The following MIOX variants were observed in gnomAD, a reference collection of about 807,000 sequenced individuals.
MIOX encodes myo-inositol oxygenase.
A neutral mutation model predicts 42.7 loss-of-function variants in MIOX; 51 were observed. That is an observed-to-expected ratio of 1.19 (90% confidence interval 0.95 to 1.51). MIOX has a LOEUF of 1.51. Ranked by LOEUF, MIOX falls within the 40% of genes most tolerant of loss-of-function variation. The pLI, the probability that MIOX is intolerant of heterozygous loss-of-function variation, is 0.00. For synonymous variants in MIOX, 168 were observed against 154.4 expected (o/e 1.09, Z -0.65); for missense variants, 395 against 381.3 (o/e 1.04, Z -0.30).
rs375850105 is a variant in MIOX, at chr22:50,487,759, G to A, written c.177+17G>A. On this transcript the variant is annotated intron_variant, in intron 3 of 9. Transcript: ENST00000216075. ...AGGAGCAAGGTAGGCGTTTCCTGCCGCCCCGTGCAAACGCGGAGGGACCCT... is the reference window on the plus strand; with the variant it reads ...AGGAGCAAGGTAGGCGTTTCCTGCCACCCCGTGCAAACGCGGAGGGACCCT... 5.8e-5 allele frequency: 94 copies of A among 1,613,190 alleles called. No individual in the cohort carries two copies. The highest frequency in any genetic ancestry group is 4.5e-4 in the African/African-American group (34 of 74,922).
rs535195047 is a variant in MIOX at position 50,488,553 on chromosome 22, C to G, written c.408+211C>G. 6.9e-3 allele frequency among the ~76,000 whole-genome samples: 556 copies of G among 80,246 alleles called. 6 individuals are homozygous for G. The highest frequency in any genetic ancestry group is 9.8e-3 in the Non-Finnish European group (338 of 34,500). The allele number at this position is 80,246 out of a possible 152,430, so 52.6% of individuals were successfully genotyped here. On this transcript the variant is annotated intron_variant, in intron 5 of 9. Transcript: ENST00000216075. ...CCAGTGCACCCCCCACGGCCCCCCC[C>G]ACGGCTGCCTGTCCCTCTGGTGGCC...
chr22:50,489,744 G>A lies in MIOX; in HGVS notation c.750-4G>A, dbSNP rs1224468751. Reference sequence around the variant, plus strand: ...ACGGGGCTCACCGCCCCTCCCTGCTGCAGCAAGTTCGACCTCTACACCAAG... The same window carrying A: ...ACGGGGCTCACCGCCCCTCCCTGCTACAGCAAGTTCGACCTCTACACCAAG... On this transcript the variant is annotated splice_polypyrimidine_tract_variant and splice_region_variant and intron_variant, in intron 9 of 9. Transcript: ENST00000216075. The A allele has an allele frequency of 1.9e-6, 3 of 1,611,652 alleles. No homozygotes were observed. The highest frequency in any genetic ancestry group is 1.7e-6 in the Non-Finnish European group (2 of 1,179,876).
chr22:50,489,004 C>A, intron 5 of MIOX, 36 bp from the exon 6 acceptor site: 2 of 1,428,348 alleles, frequency 1.4e-6, no homozygotes, highest in East Asian at 4.8e-5. Context: ...TCCCCCACTC[C>A]CCCCATGGCC....
intron 5 of MIOX, 52 bp downstream of exon 5, chr22:50,488,394 G>A (rs777306454): frequency 1.4e-6 from 2 of 1,475,168 alleles, no homozygotes; most frequent in Non-Finnish European, 1.9e-6. Context: ...GCAAGGTGGG[G>A]GTGGAGTGGC....
At chr22:50,488,935 C>G in intron 5 of MIOX, 105 bp from the exon 6 acceptor site, 1 of 767,668 alleles carries the variant, frequency 1.3e-6, no homozygotes, top group East Asian at 2.8e-5. Flanking sequence ...TTCCCCCACT[C>G]CCCCCATGGC....
intron 5 of MIOX, among the ~76,000 whole-genome samples, chr22:50,488,670 G>A (rs1175342285): frequency 1.1e-3 from 109 of 99,432 alleles, no homozygotes; most frequent in Middle Eastern, 6.1e-3. Flanking sequence ...CCCCATGGCC[G>A]CCTGTCCCTC....
Position 50,489,150 on chromosome 22 carries a change from G to A in MIOX, c.518+1G>A. ...CTGACCTCCAGGATCCTCGATACAG[G>A]TGCTCCCTGCTGCTGAGGGCTGGGC... On this transcript the variant is annotated splice_donor_variant, in intron 6 of 9. Coordinates refer to ENST00000216075, the MANE Select transcript of MIOX (RefSeq NM_017584.6). LOFTEE classifies it high-confidence loss of function. 2.5e-6 allele frequency: 4 copies of A among 1,613,066 alleles called. No homozygotes were observed. Among genetic ancestry groups the A allele is most frequent in the Admixed American group, 1.7e-5 (1 of 59,970 alleles).
At chr22:50,487,314 C>A (rs1285563494) in intron 1 of MIOX, 71 bp from the exon 2 acceptor site, 2 of 1,341,478 alleles carry the variant, frequency 1.5e-6, no homozygotes, top group Non-Finnish European at 2.1e-6. Flanking sequence ...CTGCAGCCAC[C>A]CTGGGAATGT....
rs774196664 is a variant in MIOX, at chr22:50,489,649, G to A, written c.749+5G>A. The A allele has an allele frequency of 1.2e-4, 186 of 1,563,092 alleles. No homozygotes were observed. The highest frequency in any genetic ancestry group is 1.5e-4 in the Non-Finnish European group (177 of 1,152,086). ...GCCCTGGGTGCGGGAGTTCAAGTAC[G>A]CCCCGCTACCCGCCGAGGGGTGTTG... is the stretch of plus-strand genomic sequence containing the variant. On this transcript the variant is annotated splice_donor_5th_base_variant and intron_variant, in intron 9 of 9. Transcript: ENST00000216075.
rs538158369 is a variant in MIOX, at chr22:50,489,455, G to C, written c.636+9G>C. 1.4e-4 allele frequency: 225 copies of C among 1,608,264 alleles called. 3 individuals carry two copies. The South Asian group carries it at 2.2e-3, about 16-fold the overall frequency. Reference sequence around the variant, plus strand: ...TCTCACTGCCCCCTGAGGTAGGTGGGGGGAGGGGCAACGCAGCCCGTCCAC... The same window carrying C: ...TCTCACTGCCCCCTGAGGTAGGTGGCGGGAGGGGCAACGCAGCCCGTCCAC... On this transcript the variant is annotated intron_variant, in intron 8 of 9. Coordinates refer to ENST00000216075, the MANE Select transcript of MIOX (RefSeq NM_017584.6).
At chr22:50,488,748 G>GCCTGTCCCTCCTGTCCCT (rs1178356945) in intron 5 of MIOX, among the ~76,000 whole-genome samples, 1 of 71,824 alleles carries the variant, frequency 1.4e-5, no homozygotes, top group Non-Finnish European at 2.7e-5. Flanking sequence ...CCCCATGGCT[G>GCCTGTCCCTCCTGTCCCT]CCTGTCCCTC....
chr22:50,489,433 C>G lies in MIOX; in HGVS notation c.623C>G (p.Ser208Ter), dbSNP rs1395424564. The change falls in exon 8 of 10, where the codon TCA becomes TGA. Residue 208 changes from serine to a stop codon, truncating the protein, a stop_gained. Transcript: ENST00000216075. LOFTEE classifies it high-confidence loss of function. ...CAGGTGATGAAGTTTAACAAGTTCTCACTGCCCCCTGAGGTAGGTGGGGGG... is the reference window on the plus strand; with the variant it reads ...CAGGTGATGAAGTTTAACAAGTTCTGACTGCCCCCTGAGGTAGGTGGGGGG... ...MYQVMKFNKFSLPPEAFYMIR... is the reference protein window; with the variant it reads ...MYQVMKFNKF The G allele has an allele frequency of 6.2e-7, 1 of 1,605,184 alleles. No individual in the cohort carries two copies. Among genetic ancestry groups the G allele is most frequent in the African/African-American group, 1.3e-5 (1 of 74,784 alleles).
At chr22:50,487,569 C>T (rs2068286105) in intron 2 of MIOX, 93 bp from the exon 3 acceptor site, 12 of 1,534,938 alleles carry the variant, frequency 7.8e-6, no homozygotes, top group African/African-American at 1.4e-5. Context: ...GAACTCCCAC[C>T]CCCATCACAC....
Position 50,489,078 on chromosome 22 carries a change from TC to T in MIOX, c.449del (p.Pro150ArgfsTer52). 1 of 1,612,076 alleles carries T rather than the reference TC, an allele frequency of 6.2e-7. No homozygotes were observed. Among genetic ancestry groups the T allele is most frequent in the Non-Finnish European group, 8.5e-7 (1 of 1,179,860 alleles). On this transcript the variant is annotated frameshift_variant, in exon 6 of 10. Transcript: ENST00000216075. LOFTEE classifies it high-confidence loss of function. ...GCGACACCTTCCCCGTCGGATGCCGTCCGCAGGCCTCCGTGGTTTTCTGCGA... is the reference window on the plus strand; with the variant it reads ...GCGACACCTTCCCCGTCGGATGCCGTCGCAGGCCTCCGTGGTTTTCTGCGA... Reference protein sequence around the residue: ...VGDTFPVGCRPQASVVFCDST... With the variant: ...VGDTFPVGCRXQASVVFCDST...
chr22:50,489,236 T>G lies in MIOX; in HGVS notation c.527T>G (p.Leu176Arg), dbSNP rs2068325734. 2 of 1,607,762 alleles carry G rather than the reference T, an allele frequency of 1.2e-6. No individual in the cohort carries two copies. The highest frequency in any genetic ancestry group is 3.3e-5 in the Admixed American group (2 of 59,764). The change falls in exon 7 of 10, where the codon CTC becomes CGC. Residue 176 changes from leucine (L) to arginine (R), a missense_variant. Coordinates refer to ENST00000216075, the MANE Select transcript of MIOX (RefSeq NM_017584.6). ...CTGGTATCTCACTGCAGCACAGAGC[T>G]CGGGATGTATCAGCCCCACTGTGGG... ...DLQDPRYSTE[L>R]GMYQPHCGLD... is the part of the protein sequence containing the mutation.
Position 50,487,758 on chromosome 22 carries a change from C to A in MIOX, c.177+16C>A. ...CAGGAGCAAGGTAGGCGTTTCCTGCCGCCCCGTGCAAACGCGGAGGGACCC... is the reference window on the plus strand; with the variant it reads ...CAGGAGCAAGGTAGGCGTTTCCTGCAGCCCCGTGCAAACGCGGAGGGACCC... On this transcript the variant is annotated intron_variant, in intron 3 of 9. Transcript: ENST00000216075. 6.2e-7 allele frequency: 1 copy of A among 1,613,428 alleles called. No individual in the cohort carries two copies. Among genetic ancestry groups the A allele is most frequent in the South Asian group, 1.1e-5 (1 of 91,028 alleles).
Position 50,489,419 on chromosome 22 carries a change from G to GT in MIOX, c.612dup (p.Asn205Ter). 1 of 1,601,364 alleles carries GT rather than the reference G, an allele frequency of 6.2e-7. No homozygotes were observed. The highest frequency in any genetic ancestry group is 8.5e-7 in the Non-Finnish European group (1 of 1,176,078). ...CAGAGTACATGTACCAGGTGATGAA[G>GT]TTTAACAAGTTCTCACTGCCCCCTG... On this transcript the variant is annotated frameshift_variant, in exon 8 of 10. Coordinates refer to ENST00000216075, the MANE Select transcript of MIOX (RefSeq NM_017584.6). LOFTEE classifies it high-confidence loss of function.
chr22:50,489,518 G>C lies in MIOX; in HGVS notation c.637-14G>C. 1 of 1,612,392 alleles carries C rather than the reference G, an allele frequency of 6.2e-7. No homozygotes were observed. Among genetic ancestry groups the C allele is most frequent in the Non-Finnish European group, 8.5e-7 (1 of 1,179,728 alleles). The stretch of plus-strand genomic sequence containing the variant: ...TGCAGCCCCAAGTGAGCCGCTGGGT[G>C]GCCTTGCCCGCAGGCTTTCTACATG... On this transcript the variant is annotated splice_polypyrimidine_tract_variant and intron_variant, in intron 8 of 9. Coordinates refer to ENST00000216075, the MANE Select transcript of MIOX (RefSeq NM_017584.6).
intron 2 of MIOX, 59 bp from the exon 3 acceptor site, chr22:50,487,603 G>A (rs1023734248): frequency 9.2e-5 from 144 of 1,569,712 alleles, no homozygotes; most frequent in Non-Finnish European, 1.2e-4. Context: ...CTGGGAGAGG[G>A]GAGGCATGGG....
Sources: gnomAD v4.1 joint callset for allele counts (sites outside exome capture counted in the v4.1 genomes callset) on GRCh38, gnomAD v4.1.1 for gene constraint, MANE v1.5 for transcripts, NCBI Gene and HGNC (gene_info 2026-07-23, HGNC 2026-07-21) for gene names.